ZBTB41: variants seen among roughly 807,000 people sequenced by gnomAD.
ZBTB41 encodes the protein zinc finger and BTB domain containing 41.
In ZBTB41, 42 loss-of-function variants were observed where a neutral mutation model predicts 87.6. The observed-to-expected ratio is 0.48, with a 90% confidence interval of 0.37 to 0.62. ZBTB41 has a LOEUF of 0.62. Among genes scored for constraint, ZBTB41 ranks in the 20% least tolerant of loss-of-function variants. The pLI, the probability that ZBTB41 is intolerant of heterozygous loss-of-function variation, is 0.00. For missense variants in ZBTB41, 799 were observed against 1,078.9 expected (o/e 0.74, Z 3.63); for synonymous variants, 364 against 364.0 (o/e 1.00, Z 0.00).
In ZBTB41 at chr1:197,159,076, TATC is replaced by T. The variant is rs1197097708; in HGVS notation, c.*280_*282del. The T allele has an allele frequency of 9.5e-6, 3 of 316,532 alleles. No homozygotes were observed. Among genetic ancestry groups the T allele is most frequent in the Non-Finnish European group, 1.2e-5 (2 of 172,560 alleles). The allele number at this position is 316,532 out of a possible 1,614,324, so 19.6% of individuals were successfully genotyped here. ...ATGATTAAAAAAAATACTTCCATAA[TATC>T]AGCAGCTAATAATTGCAAAAAATTT... On this transcript the variant is annotated 3_prime_UTR_variant, in exon 11 of 11. Transcript: ENST00000367405.
chr1:197,177,139 C>G (rs1293440513), intron 7 of ZBTB41, among the ~76,000 whole-genome samples: 5 of 152,054 alleles, frequency 3.3e-5, no homozygotes, highest in African/African-American at 1.2e-4. Context: ...GTGTTCCCAC[C>G]CAAATCTCAT....
chr1:197,191,456 C>CAAAAAAAAAAAAAAAAAA (rs537220441), intron 3 of ZBTB41, among the ~76,000 whole-genome samples: 1 of 85,330 alleles, frequency 1.2e-5, no homozygotes, highest in Non-Finnish European at 2.4e-5. Context: ...AGCCCTACTT[C>CAAAAAAAAAAAAAAAAAA]AAAAAAAAAA....
intron 3 of ZBTB41, among the ~76,000 whole-genome samples, chr1:197,191,277 T>C (rs1242658096): frequency 6.6e-6 from 1 of 151,552 alleles, no homozygotes; most frequent in Non-Finnish European, 1.5e-5. Context: ...CTGGGCAATA[T>C]AGTGAAACCC....
chr1:197,198,468 T>C (rs16841219), intron 2 of ZBTB41, among the ~76,000 whole-genome samples: 11,894 of 152,158 alleles, frequency 0.078, 1,544 homozygotes, highest in African/African-American at 0.27. Context: ...AAGTAATTTC[T>C]ACCAGGTCAG....
At position 197,199,857 on chromosome 1, in the gene ZBTB41, T is replaced by C. The variant is rs200742919; in HGVS notation, c.617A>G (p.Asn206Ser). The change falls in exon 2 of 11, where the codon AAT becomes AGT. Residue 206 changes from asparagine (N) to serine (S), a missense_variant. Asn to Ser is a conservative substitution (Grantham distance 46). Transcript: ENST00000367405. Reference protein sequence around the residue: ...LNELTGRLSNNHQCKFCSRHF... With the variant: ...LNELTGRLSNSHQCKFCSRHF... Reference sequence around the variant, plus strand: ...TCTACTACAGAATTTGCACTGATGATTATTTGATAGTCTTCCAGTTAATTC... The same window carrying C: ...TCTACTACAGAATTTGCACTGATGACTATTTGATAGTCTTCCAGTTAATTC... 5.1e-4 allele frequency: 823 copies of C among 1,609,900 alleles called. 1 individual carries two copies. Among genetic ancestry groups the C allele is most frequent in the South Asian group, 6.3e-4 (57 of 89,996 alleles).
chr1:197,170,625 T>C (rs1438886724), intron 10 of ZBTB41, among the ~76,000 whole-genome samples: 1 of 152,124 alleles, frequency 6.6e-6, no homozygotes, highest in Non-Finnish European at 1.5e-5. Flanking sequence ...CTTGGGAACA[T>C]GGTGACCATT....
In ZBTB41 at chr1:197,167,916, C is replaced by T. The variant is rs1659389147; in HGVS notation, c.2074+4244G>A. 5.9e-5 allele frequency among the ~76,000 whole-genome samples: 9 copies of T among 152,138 alleles called. No individual in the cohort carries two copies. In the South Asian group the frequency reaches 1.9e-3, roughly 32 times the overall value. ...CGAAGCAACAAGGTTTACTTCCCAA[C>T]CCTGAAAGACAGAGAGAGAGAGAGT... On this transcript the variant is annotated intron_variant, in intron 10 of 10. Transcript: ENST00000367405.
In ZBTB41 at chr1:197,159,432, T is replaced by C; in HGVS notation, c.2657A>G (p.Tyr886Cys). The change falls in exon 11 of 11, where the codon TAT becomes TGT. Residue 886 changes from tyrosine to cysteine, a missense_variant. This residue lies in a region of ZBTB41 where 171 missense variants were observed against 191.9 expected (regional missense o/e 0.89). Transcript: ENST00000367405. ...ATCAAGGCCCAGTAATGTTCCAAGA[T>C]AAGATTGTTCTCTAGGATCTAGCAT... ...EQMLDPREQS[Y>C]LGTLLGLDST... 1 of 1,613,904 alleles carries C rather than the reference T, an allele frequency of 6.2e-7. No homozygotes were observed. The highest frequency in any genetic ancestry group is 8.5e-7 in the Non-Finnish European group (1 of 1,179,800).
intron 2 of ZBTB41, among the ~76,000 whole-genome samples, chr1:197,197,278 A>C (rs940218951): frequency 6.6e-6 from 1 of 152,082 alleles, no homozygotes; most frequent in African/African-American, 2.4e-5. Flanking sequence ...AAGCAGTCTT[A>C]TATTACTATA....
chr1:197,162,823 G>A (rs910880505), intron 10 of ZBTB41, among the ~76,000 whole-genome samples: 1 of 152,140 alleles, frequency 6.6e-6, no homozygotes, highest in Non-Finnish European at 1.5e-5. Flanking sequence ...CTGCAACCCA[G>A]CACTTGAGGA....
chr1:197,194,617 A>C (rs1023378232), intron 2 of ZBTB41, among the ~76,000 whole-genome samples: 3 of 84,370 alleles, frequency 3.6e-5, no homozygotes, highest in Non-Finnish European at 4.6e-5. Flanking sequence ...GATTTAAGCA[A>C]GAAAAAAAAA....
chr1:197,188,567 A>G (rs1659940728), intron 4 of ZBTB41, 128 bp from the exon 5 acceptor site: 6 of 925,570 alleles, frequency 6.5e-6, no homozygotes, highest in Non-Finnish European at 9.3e-6. Context: ...ACTTACAAAA[A>G]GTAAAATTCA....
chr1:197,198,692 T>C (rs1249630815), intron 2 of ZBTB41, among the ~76,000 whole-genome samples: 1 of 152,170 alleles, frequency 6.6e-6, no homozygotes, highest in Admixed American at 6.5e-5. Flanking sequence ...AGACTACATT[T>C]CCTCAAATTC....
At chr1:197,173,039 A>G (rs1659517152) in intron 9 of ZBTB41, among the ~76,000 whole-genome samples, 1 of 152,132 alleles carries the variant, frequency 6.6e-6, no homozygotes, top group South Asian at 2.1e-4. Flanking sequence ...TTTGAGTTAA[A>G]CAGTTCTCAA....
chr1:197,164,901 A>AATATATTAT (rs71131749), intron 10 of ZBTB41, among the ~76,000 whole-genome samples: 2 of 32,614 alleles, frequency 6.1e-5, no homozygotes, highest in Non-Finnish European at 1.6e-4. Flanking sequence ...ATACATATCT[A>AATATATTAT]ATATATTATA....
chr1:197,165,805 A>G (rs1020951931), intron 10 of ZBTB41, among the ~76,000 whole-genome samples: 1 of 152,204 alleles, frequency 6.6e-6, no homozygotes, highest in African/African-American at 2.4e-5. Flanking sequence ...AGTGGCTGAC[A>G]AGATGGCCAA....
chr1:197,173,819 T>C (rs924653230), intron 9 of ZBTB41, among the ~76,000 whole-genome samples: 2 of 152,084 alleles, frequency 1.3e-5, no homozygotes, highest in African/African-American at 4.8e-5. Flanking sequence ...GAAGTAGTAC[T>C]CGACTGGGGG....
intron 10 of ZBTB41, among the ~76,000 whole-genome samples, chr1:197,171,133 A>G (rs943981945): frequency 6.6e-6 from 1 of 152,146 alleles, no homozygotes; most frequent in Non-Finnish European, 1.5e-5. Context: ...ATGGTTTGAA[A>G]TTAACTTTCT....
chr1:197,164,449 C>A (rs1373435729), intron 10 of ZBTB41, among the ~76,000 whole-genome samples: 1 of 151,144 alleles, frequency 6.6e-6, no homozygotes, highest in Non-Finnish European at 1.5e-5. Flanking sequence ...ACTAAACATA[C>A]AAATTAAAGG....
Sources: gnomAD v4.1 joint callset for allele counts (sites outside exome capture counted in the v4.1 genomes callset) on GRCh38, gnomAD v4.1.1 for gene constraint, gnomAD v4.1.1 regional missense constraint, MANE v1.5 for transcripts, NCBI Gene and HGNC (gene_info 2026-07-23, HGNC 2026-07-21) for gene names.